The following SCN9A variants were observed in gnomAD, a reference collection of about 807,000 sequenced individuals.
The protein encoded by SCN9A is sodium voltage-gated channel alpha subunit 9.
A neutral mutation model predicts 187.0 loss-of-function variants in SCN9A; 131 were observed. That is an observed-to-expected ratio of 0.70 (90% CI 0.61 to 0.81). The LOEUF (loss-of-function observed/expected upper bound fraction) is 0.81. SCN9A is among the 30% of genes least tolerant of loss of function. The probability of loss-of-function intolerance (pLI) is 0.00; values close to 1 mark genes in which losing one functional copy is unlikely to be tolerated. For missense variants in SCN9A, 2,252 were observed against 2,396.6 expected, an observed-to-expected ratio of 0.94 and a Z score of 1.26; for synonymous variants, 809 against 808.6, an observed-to-expected ratio of 1.00 and a Z score of -0.01.
intron 1 of SCN9A, among the ~76,000 whole-genome samples, chr2:166,356,445 T>C (rs994374586): frequency 1.3e-5 from 2 of 152,198 alleles, no homozygotes; most frequent in Non-Finnish European, 2.9e-5. Flanking sequence ...ACAGAACATT[T>C]TTAAGTTGAA....
chr2:166,195,659 T>C lies in SCN9A; in HGVS notation c.*3013A>G, dbSNP rs200630689. On this transcript the variant is annotated 3_prime_UTR_variant, in exon 27 of 27. Transcript: ENST00000642356. ...GGGTTGTGATGTTCAACAATCAGCA[T>C]TTAAAAACAGCTCACAAGTCACCCA... 2 of 152,208 alleles carry C rather than the reference T, an allele frequency of 1.3e-5. No homozygotes were observed. The highest frequency in any genetic ancestry group is 4.8e-5 in the African/African-American group (2 of 41,452). 9.4% of individuals were successfully genotyped at this position (152,208 alleles called of 1,614,324 possible). A position where few individuals can be genotyped will look rare whatever the true frequency, so the allele number is the denominator to read the frequency against.
chr2:166,225,621 T>C (rs899881679), intron 24 of SCN9A, among the ~76,000 whole-genome samples: 1 of 152,204 alleles, frequency 6.6e-6, no homozygotes, highest in Admixed American at 6.5e-5. Flanking sequence ...CCTAAGAAGG[T>C]ACATATAAGT....
chr2:166,307,862 A>T (rs1482394884), intron 2 of SCN9A, among the ~76,000 whole-genome samples: 1 of 152,248 alleles, frequency 6.6e-6, no homozygotes, highest in African/African-American at 2.4e-5. Context: ...AATCAGAAAG[A>T]CAAAGTTCAA....
At chr2:166,328,693 A>C (rs1234899558) in intron 1 of SCN9A, among the ~76,000 whole-genome samples, 1 of 152,124 alleles carries the variant, frequency 6.6e-6, no homozygotes, top group African/African-American at 2.4e-5. Context: ...GAATATTAGA[A>C]TAGGCGCCTG....
intron 1 of SCN9A, among the ~76,000 whole-genome samples, chr2:166,343,689 A>G (rs2105286306): frequency 6.6e-6 from 1 of 152,204 alleles, no homozygotes; most frequent in Non-Finnish European, 1.5e-5. Context: ...TCAGCTACTC[A>G]AGAGGCTGAG....
intron 24 of SCN9A, among the ~76,000 whole-genome samples, chr2:166,214,012 GAACCC>G (rs749949475): frequency 4.9e-4 from 75 of 152,190 alleles, no homozygotes; most frequent in Middle Eastern, 3.4e-3. Flanking sequence ...CACACATATA[GAACCC>G]AACTTTTTTT....
intron 1 of SCN9A, among the ~76,000 whole-genome samples, chr2:166,369,974 A>G (rs1025649290): frequency 2.6e-5 from 4 of 151,978 alleles, no homozygotes; most frequent in African/African-American, 9.7e-5. Flanking sequence ...CTGACATAAT[A>G]TTTTATTATC....
chr2:166,275,583 C>CAAA (rs67225403), intron 16 of SCN9A, among the ~76,000 whole-genome samples: 13 of 95,174 alleles, frequency 1.4e-4, no homozygotes, highest in African/African-American at 5.2e-4. Context: ...GATTCCATCT[C>CAAA]AAAAAAAAAA....
chr2:166,237,889 T>C (rs371328426), intron 20 of SCN9A, among the ~76,000 whole-genome samples: 1 of 152,206 alleles, frequency 6.6e-6, no homozygotes, highest in South Asian at 2.1e-4. Flanking sequence ...ATAATTTACA[T>C]TTGTTGAACG....
chr2:166,278,706 C>CT (rs372351473), intron 14 of SCN9A, among the ~76,000 whole-genome samples: 96 of 151,282 alleles, frequency 6.3e-4, no homozygotes, highest in Admixed American at 2.1e-3. Flanking sequence ...TTGAGCCAGT[C>CT]TTTTTTTTTC....
At chr2:166,353,222 C>CAA (rs112222195) in intron 1 of SCN9A, among the ~76,000 whole-genome samples, 4,444 of 80,704 alleles carry the variant, frequency 0.055, 85 homozygotes, top group Middle Eastern at 0.089. Flanking sequence ...TCCCTGTTTC[C>CAA]AAAAAAAAAA....
chr2:166,262,138 G>T (rs1696535076), intron 17 of SCN9A, among the ~76,000 whole-genome samples: 1 of 151,884 alleles, frequency 6.6e-6, no homozygotes, highest in Non-Finnish European at 1.5e-5. Flanking sequence ...AGAGAAGAAT[G>T]AATGTATCAG....
intron 24 of SCN9A, among the ~76,000 whole-genome samples, chr2:166,211,442 G>A (rs1356276298): frequency 6.6e-6 from 1 of 151,974 alleles, no homozygotes; most frequent in African/African-American, 2.4e-5. Context: ...CAACACAAGA[G>A]CATATGAAAG....
intron 17 of SCN9A, among the ~76,000 whole-genome samples, chr2:166,261,645 T>C (rs988977795): frequency 2.0e-5 from 3 of 151,940 alleles, no homozygotes; most frequent in African/African-American, 7.2e-5. Flanking sequence ...GCCAATGTAG[T>C]TAAGTCTCTG....
rs527554992 is a variant in SCN9A, at chr2:166,312,095, G to A, written c.-50-289C>T. 6.6e-5 allele frequency among the ~76,000 whole-genome samples: 10 copies of A among 151,950 alleles called. 1 individual carries two copies. Among genetic ancestry groups the A allele is most frequent in the South Asian group, 4.2e-4 (2 of 4,788 alleles). On this transcript the variant is annotated intron_variant, in intron 1 of 26. Transcript: ENST00000642356. Reference sequence around the variant, plus strand: ...ATTTTCCTAAATTCCCCTTCTTTTCGTCTATATTTACCTTTGGTGCAATTC... The same window carrying A: ...ATTTTCCTAAATTCCCCTTCTTTTCATCTATATTTACCTTTGGTGCAATTC...
chr2:166,251,988 A>G (rs1362113480), intron 17 of SCN9A, 103 bp from the exon 18 acceptor site: 12 of 1,328,428 alleles, frequency 9.0e-6, no homozygotes, highest in Non-Finnish European at 1.3e-5. Flanking sequence ...AGTATTATGA[A>G]AAAAGATTAA....
At chr2:166,313,517 C>T (rs1699030804) in intron 1 of SCN9A, among the ~76,000 whole-genome samples, 1 of 152,100 alleles carries the variant, frequency 6.6e-6, no homozygotes. Flanking sequence ...TACCGTCTGC[C>T]AGCTTCAAAC....
chr2:166,198,796 G>C lies in SCN9A; in HGVS notation c.5843C>G (p.Ala1948Gly). The C allele has an allele frequency of 6.2e-7, 1 of 1,613,096 alleles. No homozygotes were observed. The highest frequency in any genetic ancestry group is 1.3e-5 in the African/African-American group (1 of 75,000). Residue 1948 changes from alanine to glycine, a missense_variant, in exon 27 of 27, where the codon GCC (alanine) becomes GGC (glycine). Physicochemically the swap from Ala to Gly is moderately conservative, Grantham distance 60 (BLOSUM62 0). Around this residue, in one of 7 missense-constraint regions of SCN9A, gnomAD observed 345 missense variants for 344.6 expected, o/e 1.00. Coordinates refer to ENST00000642356, the MANE Select transcript of SCN9A (RefSeq NM_001365536.1). ...NENSSPEKTD[A>G]TSSTTSPPSY... is the part of the protein sequence containing the mutation. ...AGGTGGAGAGGTGGTGGATGAAGTGGCATCTGTTTTTTCTGGACTTGAGTT... is the reference window on the plus strand; with the variant it reads ...AGGTGGAGAGGTGGTGGATGAAGTGCCATCTGTTTTTTCTGGACTTGAGTT...
intron 16 of SCN9A, among the ~76,000 whole-genome samples, chr2:166,275,219 T>C (rs1408787056): frequency 6.6e-6 from 1 of 152,190 alleles, no homozygotes; most frequent in Non-Finnish European, 1.5e-5. Context: ...TTGTGATTAT[T>C]GGCTTTGATG....
Sources: allele counts gnomAD v4.1 joint callset (sites outside exome capture counted in the v4.1 genomes callset), GRCh38; gene constraint gnomAD v4.1.1; regional missense constraint gnomAD v4.1.1; transcripts MANE v1.5; gene names NCBI Gene and HGNC (gene_info 2026-07-23, HGNC 2026-07-21).